NTAQ1: variants seen among roughly 807,000 people sequenced by gnomAD.
NTAQ1 encodes protein N-terminal glutamine amidohydrolase.
In NTAQ1, 21 loss-of-function variants were observed where a neutral mutation model predicts 28.2. The ratio of observed to expected loss-of-function variants is 0.74; its 90% CI spans 0.53 to 1.07. The LOEUF is 1.07. Among genes scored for constraint, NTAQ1 ranks in the 50% least tolerant of loss-of-function variants. NTAQ1 has a pLI of 0.00. For missense variants in NTAQ1, 264 were observed against 256.6 expected (o/e 1.03, Z -0.20); for synonymous variants, 105 against 90.0 (o/e 1.17, Z -0.94).
downstream of NTAQ1, among the ~76,000 whole-genome samples, chr8:123,448,561 G>T (rs1806029759): frequency 6.6e-6 from 1 of 152,244 alleles, no homozygotes; most frequent in African/African-American, 2.4e-5. Flanking sequence ...GGAGGTTGCA[G>T]TGAGCCAAGA....
chr8:123,428,375 T>C (rs1468391214), intron 2 of NTAQ1, among the ~76,000 whole-genome samples: 1 of 152,052 alleles, frequency 6.6e-6, no homozygotes, highest in Non-Finnish European at 1.5e-5. Context: ...TTTTGTATTT[T>C]TTAGTAGAGA....
Position 123,430,003 on chromosome 8 carries a change from G to A in NTAQ1, c.204G>A (p.Gln68=), listed in dbSNP as rs1814302073. Residue 68 remains glutamine, a synonymous_variant, in exon 3 of 6, where the codon CAG becomes CAA. Transcript: ENST00000287387. ...TGTAGATACCTATCTGGAAACAACA[G>A]GCGAGACCTGGAGATGGACCTGTGA... ...ERKMIPIWKQ[Q]ARPGDGPVIW... The A allele has an allele frequency of 1.2e-6, 2 of 1,613,146 alleles. No homozygotes were observed. Among genetic ancestry groups the A allele is most frequent in the Admixed American group, 3.3e-5 (2 of 59,886 alleles).
intron 6 of NTAQ1, among the ~76,000 whole-genome samples, chr8:123,459,567 T>G (rs1278381458): frequency 6.6e-6 from 1 of 152,052 alleles, no homozygotes; most frequent in Non-Finnish European, 1.5e-5. Flanking sequence ...AAGAGTCCCC[T>G]TATTAGAAAA....
At chr8:123,438,821 A>G (rs192509129) in intron 5 of NTAQ1, among the ~76,000 whole-genome samples, 2 of 152,290 alleles carry the variant, frequency 1.3e-5, no homozygotes, top group Non-Finnish European at 2.9e-5. Context: ...TTAAAAAATT[A>G]TATTGGAATT....
downstream of NTAQ1, among the ~76,000 whole-genome samples, chr8:123,472,507 A>G (rs1816051305): frequency 1.3e-5 from 2 of 152,092 alleles, no homozygotes; most frequent in African/African-American, 4.8e-5. Context: ...TTCCTTGCCT[A>G]TCCCTAGTTT....
chr8:123,434,027 T>C (rs1814551442), intron 3 of NTAQ1, among the ~76,000 whole-genome samples: 2 of 151,972 alleles, frequency 1.3e-5, no homozygotes, highest in Non-Finnish European at 1.5e-5. Flanking sequence ...AGCCAAAAGA[T>C]TGGACACCCT....
At chr8:123,470,696 T>C (rs993362397), downstream of NTAQ1, among the ~76,000 whole-genome samples, 3 of 152,164 alleles carry the variant, frequency 2.0e-5, no homozygotes, top group African/African-American at 7.2e-5. Flanking sequence ...ACAATAGAAG[T>C]TTATTTTCCC....
chr8:123,421,681 G>C (rs1813701937), intron 1 of NTAQ1, among the ~76,000 whole-genome samples: 1 of 144,150 alleles, frequency 6.9e-6, no homozygotes, highest in Non-Finnish European at 1.5e-5. Context: ...GCTAAGTTTT[G>C]TATTTTTCTT....
At chr8:123,457,079 A>T (rs931690684) in intron 6 of NTAQ1, among the ~76,000 whole-genome samples, 3 of 152,072 alleles carry the variant, frequency 2.0e-5, no homozygotes, top group Non-Finnish European at 1.5e-5. Context: ...AGATATATAT[A>T]TTTTTGAGAC....
chr8:123,421,715 G>C (rs1813705907), intron 1 of NTAQ1, among the ~76,000 whole-genome samples: 1 of 150,540 alleles, frequency 6.6e-6, no homozygotes, highest in Non-Finnish European at 1.5e-5. Flanking sequence ...TTGAGACGGA[G>C]TCTTGCTCTG....
rs1039000111 is a variant in NTAQ1 at position 123,425,723 on chromosome 8, C to T, written c.84-2201C>T. Among the ~76,000 whole-genome samples, 13 of 152,086 alleles carry T rather than the reference C, an allele frequency of 8.5e-5. 1 individual carries two copies. The highest frequency in any genetic ancestry group is 3.1e-4 in the African/African-American group (13 of 41,524). ...GTAGCATGGCGTGGATGAAATTAGG[C>T]TTTGGGCCGGGCGTGGTGGCTCACA... On this transcript the variant is annotated intron_variant, in intron 1 of 5. Coordinates refer to ENST00000287387, the MANE Select transcript of NTAQ1 (RefSeq NM_018024.3).
downstream of NTAQ1, among the ~76,000 whole-genome samples, chr8:123,472,934 C>G (rs369434201): frequency 2.0e-5 from 3 of 152,274 alleles, no homozygotes; most frequent in African/African-American, 7.2e-5. Flanking sequence ...CTTTCATCGC[C>G]TATTTTCTTA....
intron 1 of NTAQ1, among the ~76,000 whole-genome samples, chr8:123,418,263 C>T (rs1271794301): frequency 1.3e-5 from 2 of 151,970 alleles, no homozygotes; most frequent in African/African-American, 2.4e-5. Context: ...CCAGCCTGGC[C>T]GACATGCAGA....
chr8:123,449,974 T>TATATATATATATATATATATGA (rs371673968), downstream of NTAQ1, among the ~76,000 whole-genome samples: 2,303 of 55,732 alleles, frequency 0.041, 512 homozygotes, highest in East Asian at 0.082. Flanking sequence ...TATATATATA[T>TATATATATATATATATATATGA]GCTGGATAAA....
chr8:123,454,517 G>A (rs543810648), intron 6 of NTAQ1, among the ~76,000 whole-genome samples: 1 of 152,198 alleles, frequency 6.6e-6, no homozygotes, highest in East Asian at 1.9e-4. Flanking sequence ...ACAGGCATGC[G>A]CCACTATGCC....
intron 1 of NTAQ1, 114 bp from the exon 2 acceptor site, chr8:123,427,810 A>C: frequency 1.3e-6 from 1 of 784,052 alleles, no homozygotes; most frequent in Non-Finnish European, 2.1e-6. Flanking sequence ...TTGTTGGATG[A>C]CATGGGGTTT....
At chr8:123,462,139 A>AGGTTCAAGC (rs1217073640) in intron 6 of NTAQ1, among the ~76,000 whole-genome samples, 7 of 152,066 alleles carry the variant, frequency 4.6e-5, no homozygotes, top group Non-Finnish European at 7.4e-5. Context: ...TCCTCCTCCC[A>AGGTTCAAGC]GGTTCAAGCG....
At chr8:123,463,992 G>A (rs971287710) in intron 6 of NTAQ1, among the ~76,000 whole-genome samples, 2 of 152,094 alleles carry the variant, frequency 1.3e-5, no homozygotes, top group African/African-American at 2.4e-5. Context: ...TTTATAAAGG[G>A]GACTCCCCCG....
At position 123,430,142 on chromosome 8, in the gene NTAQ1, G is replaced by A. The variant is rs1005540599; in HGVS notation, c.234+109G>A. ...ACCTAAGCAGTAGAGAAAGGCTATG[G>A]TAATTATTAATAAATTGACCTTTTG... is the stretch of plus-strand genomic sequence containing the variant. On this transcript the variant is annotated intron_variant, in intron 3 of 5. Coordinates refer to ENST00000287387, the MANE Select transcript of NTAQ1 (RefSeq NM_018024.3). 15 of 675,724 alleles carry A rather than the reference G, an allele frequency of 2.2e-5. No homozygotes were observed. In the African/African-American group the frequency reaches 2.6e-4, roughly 12 times the overall value. The allele number at this position is 675,724 out of a possible 1,614,324, so 41.9% of individuals were successfully genotyped here. A position where few individuals can be genotyped will look rare whatever the true frequency, so the allele number is the denominator to read the frequency against.
Sources: allele counts gnomAD v4.1 joint callset (sites outside exome capture counted in the v4.1 genomes callset), GRCh38; gene constraint gnomAD v4.1.1; transcripts MANE v1.5; gene names NCBI Gene and HGNC (gene_info 2026-07-23, HGNC 2026-07-21).